AGTRAP: variants seen among roughly 807,000 people sequenced by gnomAD.
The protein encoded by AGTRAP is type-1 angiotensin II receptor-associated protein.
Under a neutral mutation model 15.2 loss-of-function variants are expected in AGTRAP, and 7 were observed. The ratio of observed to expected loss-of-function variants is 0.46; its 90% confidence interval spans 0.26 to 0.87. The LOEUF (loss-of-function observed/expected upper bound fraction) is 0.87. AGTRAP is among the 40% of genes least tolerant of loss of function. AGTRAP has a pLI of 0.15. For synonymous variants in AGTRAP, 74 were observed against 89.6 expected (o/e 0.83, Z 0.98); for missense variants, 187 against 213.4 (o/e 0.88, Z 0.77).
intron 3 of AGTRAP, 56 bp from the exon 4 acceptor site, chr1:11,748,359 G>C (rs2100779169): frequency 2.6e-6 from 4 of 1,560,786 alleles, no homozygotes; most frequent in East Asian, 2.3e-5. Context: ...TGTGTGGCGG[G>C]GGAGCCACGG....
In AGTRAP at chr1:11,747,556, G is replaced by T. The variant is rs1322061628; in HGVS notation, c.168+11G>T. ...GACGCCATAAGCATGGTGAGCCAGG[G>T]TGGGGGAGAGGCGGCAAGGCGGGGA... is the stretch of plus-strand genomic sequence containing the variant. On this transcript the variant is annotated intron_variant, in intron 3 of 4. Transcript: ENST00000314340. 1.2e-6 allele frequency: 2 copies of T among 1,613,078 alleles called. No homozygotes were observed. Among genetic ancestry groups the T allele is most frequent in the Non-Finnish European group, 1.7e-6 (2 of 1,179,780 alleles).
At chr1:11,748,752 C>A in intron 4 of AGTRAP, 142 bp downstream of exon 4, 1 of 982,718 alleles carries the variant, frequency 1.0e-6, no homozygotes, top group Non-Finnish European at 1.5e-6. Flanking sequence ...GCGCTCTGTA[C>A]TAGGCTGGAC....
intron 1 of AGTRAP, among the ~76,000 whole-genome samples, chr1:11,737,007 G>A (rs1451446174): frequency 6.6e-6 from 1 of 152,216 alleles, no homozygotes; most frequent in African/African-American, 2.4e-5. Flanking sequence ...GACCAAACCG[G>A]CCATTTTGGG....
At chr1:11,748,278 G>C in intron 3 of AGTRAP, 137 bp from the exon 4 acceptor site, 1 of 999,958 alleles carries the variant, frequency 1.0e-6, no homozygotes, top group Non-Finnish European at 1.5e-6. Flanking sequence ...GCGGGGCCCT[G>C]CCTGCTTGCT....
intron 4 of AGTRAP, 86 bp downstream of exon 4, chr1:11,748,696 T>G: frequency 6.8e-7 from 1 of 1,464,702 alleles, no homozygotes; most frequent in Non-Finnish European, 9.2e-7. Flanking sequence ...GAGCCAGCCT[T>G]GCCCCATGGG....
chr1:11,748,268 G>A (rs1642220063), intron 3 of AGTRAP, 147 bp from the exon 4 acceptor site: 2 of 906,514 alleles, frequency 2.2e-6, no homozygotes, highest in South Asian at 3.4e-5. Flanking sequence ...CGGCTCCCCA[G>A]CGGGGCCCTG....
chr1:11,736,225 T>G lies in AGTRAP; in HGVS notation c.17T>G (p.Val6Gly). The G allele has an allele frequency of 6.2e-7, 1 of 1,608,324 alleles. No homozygotes were observed. Among genetic ancestry groups the G allele is most frequent in the East Asian group, 2.2e-5 (1 of 44,720 alleles). ...TGAGTCGGGATGGAGCTGCCTGCTG[T>G]GAACCTGAAGGTGGCGACGGGCTGG... MELPA[V>G]NLKVILLGHW... The change falls in exon 1 of 5, where the codon GTG (valine) becomes GGG (glycine). Residue 6 changes from valine (V) to glycine (G), a missense_variant. Transcript: ENST00000314340.
intron 1 of AGTRAP, among the ~76,000 whole-genome samples, chr1:11,743,759 T>C (rs1047760715): frequency 6.6e-6 from 1 of 151,630 alleles, no homozygotes; most frequent in Admixed American, 6.6e-5. Flanking sequence ...AGAAACGGGG[T>C]TTCTCCATGC....
Position 11,749,973 on chromosome 1 carries a change from GC to G in AGTRAP, c.365-101del, listed in dbSNP as rs1285070725. 4 of 807,576 alleles carry G rather than the reference GC, an allele frequency of 5.0e-6. No homozygotes were observed. In the Admixed American group the frequency reaches 8.4e-5, roughly 17 times the overall value. 50.0% of individuals were successfully genotyped at this position (807,576 alleles called of 1,614,324 possible). ...CTGTCTCTGTGCATGGTGTCAGGAT[GC>G]CCAGCCCGAGGGTGGCGGGGGTGGA... On this transcript the variant is annotated intron_variant, in intron 4 of 4. Transcript: ENST00000314340.
chr1:11,740,824 A>G (rs935429627), intron 1 of AGTRAP, among the ~76,000 whole-genome samples: 1 of 152,202 alleles, frequency 6.6e-6, no homozygotes, highest in Non-Finnish European at 1.5e-5. Context: ...GGGAAGAGTT[A>G]GGTGTCGATT....
At chr1:11,744,649 C>T in intron 1 of AGTRAP, 2 of 689,522 alleles carry the variant, frequency 2.9e-6, no homozygotes, top group Non-Finnish European at 5.4e-6. Flanking sequence ...AAGGAGCCTC[C>T]CACCCTTGTG....
At chr1:11,749,982 G>A (rs927331707) in intron 4 of AGTRAP, 95 bp from the exon 5 acceptor site, 13 of 932,296 alleles carry the variant, frequency 1.4e-5, no homozygotes, top group South Asian at 5.8e-5. Flanking sequence ...TGCCCAGCCC[G>A]AGGGTGGCGG....
chr1:11,745,907 T>A lies in AGTRAP; in HGVS notation c.62+70T>A. On this transcript the variant is annotated intron_variant, in intron 2 of 4. Transcript: ENST00000314340. This position sits in a 1 kb window ranked among gnomAD's most constrained non-coding sequence, Gnocchi z 4.2. The stretch of plus-strand genomic sequence containing the variant: ...GGTCTGTGTCAGCCGGGTCAGGTCC[T>A]GGTTCTGCCGTGTTTTAACCAGGTC... 1 of 1,594,194 alleles carries A rather than the reference T, an allele frequency of 6.3e-7. No individual in the cohort carries two copies. The highest frequency in any genetic ancestry group is 8.6e-7 in the Non-Finnish European group (1 of 1,162,080).
rs367635472 is a variant in AGTRAP, at chr1:11,748,623, C to T, written c.364+13C>T. 9 of 1,599,956 alleles carry T rather than the reference C, an allele frequency of 5.6e-6. No individual in the cohort carries two copies. Among genetic ancestry groups the T allele is most frequent in the Non-Finnish European group, 6.8e-6 (8 of 1,176,806 alleles). ...CTGGTCCACACTGGTGAGGCCACCA[C>T]CTCCAGCCAGCTCCTCACCGCTCCC... On this transcript the variant is annotated intron_variant, in intron 4 of 4. Coordinates refer to ENST00000314340, the MANE Select transcript of AGTRAP (RefSeq NM_020350.5).
intron 1 of AGTRAP, among the ~76,000 whole-genome samples, chr1:11,742,080 T>C (rs371417935): frequency 3.9e-5 from 6 of 152,380 alleles, no homozygotes; most frequent in African/African-American, 1.2e-4. Flanking sequence ...TGTGTGGACC[T>C]TTCTCACAAG....
At position 11,750,360 on chromosome 1, in the gene AGTRAP, T is replaced by C. The variant is rs886259277; in HGVS notation, c.*168T>C. 5.8e-6 allele frequency: 4 copies of C among 692,134 alleles called. No individual in the cohort carries two copies. Among genetic ancestry groups the C allele is most frequent in the Non-Finnish European group, 5.2e-6 (2 of 384,440 alleles). 42.9% of individuals were successfully genotyped at this position (692,134 alleles called of 1,614,324 possible). On this transcript the variant is annotated 3_prime_UTR_variant, in exon 5 of 5. Coordinates refer to ENST00000314340, the MANE Select transcript of AGTRAP (RefSeq NM_020350.5). ...AGCCCCCATGGGCCGCCCAGTACCA[T>C]GCACACTCCTGTCCCGAACTCCCTG...
At chr1:11,748,711 G>T in intron 4 of AGTRAP, 101 bp downstream of exon 4, 1 of 1,378,740 alleles carries the variant, frequency 7.3e-7, no homozygotes, top group East Asian at 2.5e-5. Flanking sequence ...CATGGGGCCA[G>T]GGCTCAAGGT....
intron 1 of AGTRAP, among the ~76,000 whole-genome samples, chr1:11,740,727 A>G (rs1210406601): frequency 1.3e-5 from 2 of 152,214 alleles, no homozygotes; most frequent in Non-Finnish European, 2.9e-5. Context: ...TGCAGGGCCC[A>G]TTTATTAAAG....
chr1:11,736,470 C>A (rs1641898794), intron 1 of AGTRAP, among the ~76,000 whole-genome samples: 2 of 152,204 alleles, frequency 1.3e-5, no homozygotes, highest in Non-Finnish European at 2.9e-5. Context: ...CAGCGGAGGG[C>A]AAGGGCCGCC....
Sources: allele counts gnomAD v4.1 joint callset (sites outside exome capture counted in the v4.1 genomes callset), GRCh38; gene constraint gnomAD v4.1.1; non-coding constraint Gnocchi (gnomAD v3.1); transcripts MANE v1.5; gene names NCBI Gene and HGNC (gene_info 2026-07-23, HGNC 2026-07-21).